The following AFAP1 variants were observed in gnomAD, a reference collection of about 807,000 sequenced individuals.
AFAP1 encodes actin filament-associated protein 1.
AFAP1 carries 75 observed loss-of-function variants against 93.9 expected under a neutral mutation model. The ratio of observed to expected loss-of-function variants is 0.80; its 90% confidence interval spans 0.66 to 0.97. AFAP1 has a LOEUF of 0.97. Among genes scored for constraint, AFAP1 ranks in the 50% least tolerant of loss-of-function variants. The pLI is 0.00. For missense variants in AFAP1, 1,201 were observed against 1,050.8 expected, an observed-to-expected ratio of 1.14 and a Z score of -1.98; for synonymous variants, 517 against 430.7, an observed-to-expected ratio of 1.20 and a Z score of -2.48.
intron 6 of AFAP1, among the ~76,000 whole-genome samples, chr4:7,837,897 G>T (rs528562296): frequency 6.6e-6 from 1 of 152,018 alleles, no homozygotes; most frequent in Non-Finnish European, 1.5e-5. Flanking sequence ...CATGTCATGC[G>T]AGCTAACTTG....
At chr4:7,789,360 C>G (rs996049506) in intron 11 of AFAP1, among the ~76,000 whole-genome samples, 6 of 152,190 alleles carry the variant, frequency 3.9e-5, no homozygotes, top group African/African-American at 1.4e-4. Context: ...GCCAAGAGAA[C>G]TGCCTCCCAT....
At chr4:7,853,743 A>C (rs28393652) in intron 4 of AFAP1, among the ~76,000 whole-genome samples, 1 of 152,088 alleles carries the variant, frequency 6.6e-6, no homozygotes, top group Non-Finnish European at 1.5e-5. Context: ...AAGGTGGTAC[A>C]ATCCTTAACT....
At chr4:7,774,581 CA>C in intron 15 of AFAP1, 157 bp downstream of exon 15, 1 of 1,167,078 alleles carries the variant, frequency 8.6e-7, no homozygotes. Flanking sequence ...GGGTTACCAG[CA>C]ATGTTTCCAA....
intron 3 of AFAP1, 55 bp from the exon 4 acceptor site, chr4:7,855,629 T>A (rs957877303): frequency 7.1e-7 from 1 of 1,398,982 alleles, no homozygotes; most frequent in African/African-American, 1.4e-5. Flanking sequence ...AGAAGGAAAT[T>A]CTGGATTTCC....
intron 13 of AFAP1, among the ~76,000 whole-genome samples, chr4:7,780,121 C>T (rs192818033): frequency 4.6e-5 from 7 of 152,326 alleles, no homozygotes; most frequent in East Asian, 3.9e-4. Flanking sequence ...GAGAAACTTT[C>T]GCTTAGTGAG....
chr4:7,897,800 T>C (rs564735845), intron 1 of AFAP1, among the ~76,000 whole-genome samples: 70 of 152,158 alleles, frequency 4.6e-4, no homozygotes, highest in African/African-American at 1.6e-3. Context: ...CTGGAATAAG[T>C]GCTGGAATTA....
At chr4:7,804,588 C>T (rs113903637) in intron 9 of AFAP1, among the ~76,000 whole-genome samples, 1 of 152,240 alleles carries the variant, frequency 6.6e-6, no homozygotes, top group South Asian at 2.1e-4. Flanking sequence ...GGATATGGGG[C>T]GTCGCGGGTC....
intron 9 of AFAP1, 114 bp from the exon 10 acceptor site, chr4:7,800,767 T>C (rs1718950462): frequency 1.0e-6 from 1 of 983,894 alleles, no homozygotes; most frequent in Non-Finnish European, 1.5e-6. Flanking sequence ...AAACAAATCC[T>C]TCACACGATC....
intron 11 of AFAP1, among the ~76,000 whole-genome samples, chr4:7,792,695 C>T (rs960725543): frequency 6.6e-6 from 1 of 152,230 alleles, no homozygotes; most frequent in African/African-American, 2.4e-5. Flanking sequence ...CCTGCATGCT[C>T]TCTGTGGCCT....
chr4:7,897,757 C>T (rs575778288), intron 1 of AFAP1, among the ~76,000 whole-genome samples: 1 of 152,200 alleles, frequency 6.6e-6, no homozygotes, highest in Admixed American at 6.5e-5. Context: ...CTCCTGACCT[C>T]AGGTGATCCG....
At chr4:7,881,144 A>T (rs1485557306) in intron 1 of AFAP1, among the ~76,000 whole-genome samples, 1 of 152,056 alleles carries the variant, frequency 6.6e-6, no homozygotes, top group East Asian at 1.9e-4. Context: ...CCCATTATCT[A>T]ATCTAAATTG....
intron 4 of AFAP1, among the ~76,000 whole-genome samples, chr4:7,848,221 GGGAGGGAC>G (rs1560197257): frequency 9.3e-6 from 1 of 107,146 alleles, no homozygotes; most frequent in African/African-American, 3.7e-5. Flanking sequence ...GAGGGAGGGA[GGGAGGGAC>G]GGATGGAGGG....
intron 3 of AFAP1, among the ~76,000 whole-genome samples, chr4:7,863,828 C>T (rs147708135): frequency 6.6e-6 from 1 of 152,214 alleles, no homozygotes. Flanking sequence ...ATATTCAATT[C>T]ATGCCACAAA....
intron 7 of AFAP1, among the ~76,000 whole-genome samples, chr4:7,818,065 G>C (rs1285388633): frequency 6.6e-6 from 1 of 152,186 alleles, no homozygotes; most frequent in African/African-American, 2.4e-5. Context: ...GGGGGCATCT[G>C]GGGATGAGAT....
chr4:7,816,272 C>T (rs955558115), intron 7 of AFAP1, among the ~76,000 whole-genome samples, 173 bp from the exon 8 acceptor site: 4 of 151,884 alleles, frequency 2.6e-5, no homozygotes, highest in Admixed American at 2.0e-4. Flanking sequence ...TAGGTGGCCA[C>T]AACCGCTTTA....
At chr4:7,919,356 T>C (rs1234833269) in intron 1 of AFAP1, among the ~76,000 whole-genome samples, 4 of 152,234 alleles carry the variant, frequency 2.6e-5, no homozygotes, top group South Asian at 4.1e-4. Context: ...ACACTTCAGG[T>C]AGAAATGTAA....
intron 1 of AFAP1, among the ~76,000 whole-genome samples, chr4:7,897,584 G>A (rs1196839748): frequency 1.3e-5 from 2 of 152,014 alleles, no homozygotes; most frequent in African/African-American, 4.8e-5. Flanking sequence ...GAGGGCAATG[G>A]CGTGATCTTG....
chr4:7,816,212 A>G (rs957821675), intron 7 of AFAP1, 113 bp from the exon 8 acceptor site: 1 of 861,582 alleles, frequency 1.2e-6, no homozygotes, highest in Non-Finnish European at 1.8e-6. Context: ...GGCCAAATTC[A>G]TAGCAATCCA....
intron 6 of AFAP1, among the ~76,000 whole-genome samples, chr4:7,825,034 A>C (rs1721300042): frequency 6.6e-6 from 1 of 152,248 alleles, no homozygotes; most frequent in Non-Finnish European, 1.5e-5. Flanking sequence ...ATTATAAAAC[A>C]ATTCATGTTA....
Sources: allele counts gnomAD v4.1 joint callset (sites outside exome capture counted in the v4.1 genomes callset), GRCh38; gene constraint gnomAD v4.1.1; transcripts MANE v1.5; gene names NCBI Gene and HGNC (gene_info 2026-07-23, HGNC 2026-07-21).